RAB28: variants seen among roughly 807,000 people sequenced by gnomAD.
RAB28 encodes the protein ras-related protein Rab-28.
In RAB28, 24 loss-of-function variants were observed where a neutral mutation model predicts 31.7. That is an observed-to-expected ratio of 0.76 (90% CI 0.55 to 1.06). The LOEUF (loss-of-function observed/expected upper bound fraction) is 1.06, where lower values mean the gene tolerates loss of function less well. RAB28 is among the 50% of genes least tolerant of loss of function. The pLI is 0.00. For synonymous variants in RAB28, 100 were observed against 90.4 expected, an observed-to-expected ratio of 1.11 and a Z score of -0.60; for missense variants, 254 against 258.5, an observed-to-expected ratio of 0.98 and a Z score of 0.12.
chr4:13,442,675 G>A (rs191528453), intron 4 of RAB28, among the ~76,000 whole-genome samples: 2 of 152,046 alleles, frequency 1.3e-5, no homozygotes, highest in African/African-American at 4.8e-5. Flanking sequence ...ACCCATAAGA[G>A]AAGACAGGAT....
At chr4:13,430,981 T>C (rs1041328688) in intron 4 of RAB28, among the ~76,000 whole-genome samples, 3 of 152,208 alleles carry the variant, frequency 2.0e-5, no homozygotes, top group South Asian at 2.1e-4. Flanking sequence ...CAGTACACTG[T>C]TGTGGAGTCA....
intron 3 of RAB28, among the ~76,000 whole-genome samples, chr4:13,470,537 T>C (rs369653093): frequency 5.3e-5 from 8 of 152,148 alleles, no homozygotes; most frequent in Admixed American, 2.0e-4. Flanking sequence ...CTACACTTCA[T>C]TGAGTTTATG....
At chr4:13,451,245 C>T (rs1714951949) in intron 4 of RAB28, among the ~76,000 whole-genome samples, 1 of 151,780 alleles carries the variant, frequency 6.6e-6, no homozygotes, top group South Asian at 2.1e-4. Flanking sequence ...GAGATGATAC[C>T]TCATTGTGGT....
intron 5 of RAB28, among the ~76,000 whole-genome samples, chr4:13,378,894 T>C (rs1392233964): frequency 6.6e-6 from 1 of 152,012 alleles, no homozygotes; most frequent in Admixed American, 6.6e-5. Flanking sequence ...AGTTTGAACA[T>C]TTGAAGAGAG....
rs186835338 is a variant in RAB28 at position 13,467,006 on chromosome 4, T to C, written c.262-6178A>G. 2.3e-3 allele frequency among the ~76,000 whole-genome samples: 344 copies of C among 151,474 alleles called. 1 individual carries two copies. The highest frequency in any genetic ancestry group is 4.1e-3 in the Non-Finnish European group (275 of 67,666). On this transcript the variant is annotated intron_variant, in intron 3 of 6. Coordinates refer to ENST00000330852, the MANE Select transcript of RAB28 (RefSeq NM_001017979.3). ...CTCACAGAAGTAGGGAGTAGACTGGTGGTTGCAGAGACTAGGGGTTGGGGG... is the reference window on the plus strand; with the variant it reads ...CTCACAGAAGTAGGGAGTAGACTGGCGGTTGCAGAGACTAGGGGTTGGGGG...
At chr4:13,468,140 T>C (rs1276859857) in intron 3 of RAB28, among the ~76,000 whole-genome samples, 6 of 151,254 alleles carry the variant, frequency 4.0e-5, no homozygotes, top group Admixed American at 1.3e-4. Context: ...CTGCAAGGAG[T>C]TCCAAATCTG....
In RAB28 at chr4:13,420,373, T is replaced by C. The variant is rs140417725; in HGVS notation, c.392-38779A>G. On this transcript the variant is annotated intron_variant, in intron 4 of 6. Coordinates refer to ENST00000330852, the MANE Select transcript of RAB28 (RefSeq NM_001017979.3). The stretch of plus-strand genomic sequence containing the variant: ...ATCCTTCTGAAAATATTCCAATCAA[T>C]AGAAAAAGAAGGAATGCTCCCTAAC... Among the ~76,000 whole-genome samples the C allele has an allele frequency of 2.9e-3, 436 of 152,136 alleles. 2 individuals carry two copies. Among genetic ancestry groups the C allele is most frequent in the African/African-American group, 9.6e-3 (398 of 41,498 alleles).
chr4:13,466,409 C>A lies in RAB28; in HGVS notation c.262-5581G>T, dbSNP rs138958625. 9.8e-3 allele frequency among the ~76,000 whole-genome samples: 1,488 copies of A among 151,974 alleles called. 20 individuals carry two copies. Among genetic ancestry groups the A allele is most frequent in the African/African-American group, 0.034 (1,397 of 41,476 alleles). On this transcript the variant is annotated intron_variant, in intron 3 of 6. Coordinates refer to ENST00000330852, the MANE Select transcript of RAB28 (RefSeq NM_001017979.3). ...AAAATTGGCAAGAGACCCATAAAGA[C>A]ATTACTCAGAAGACAAATGGCTAAC...
intron 4 of RAB28, among the ~76,000 whole-genome samples, chr4:13,442,997 A>G (rs973457010): frequency 6.6e-6 from 1 of 152,240 alleles, no homozygotes; most frequent in Non-Finnish European, 1.5e-5. Flanking sequence ...ATAGTATAAA[A>G]TAAATATCCT....
At chr4:13,416,862 A>T (rs1712814218) in intron 4 of RAB28, among the ~76,000 whole-genome samples, 1 of 152,184 alleles carries the variant, frequency 6.6e-6, no homozygotes, top group Non-Finnish European at 1.5e-5. Flanking sequence ...AAAGAGGTAC[A>T]TGGTTCATCT....
chr4:13,481,468 T>C lies in RAB28; in HGVS notation c.76-1942A>G, dbSNP rs73231537. On this transcript the variant is annotated intron_variant, in intron 1 of 6. Coordinates refer to ENST00000330852, the MANE Select transcript of RAB28 (RefSeq NM_001017979.3). ...TAAATACCCTTCTTAATTACAGGTATTAAGTGAACAACTAGCTCCCATATC... is the reference window on the plus strand; with the variant it reads ...TAAATACCCTTCTTAATTACAGGTACTAAGTGAACAACTAGCTCCCATATC... Among the ~76,000 whole-genome samples the C allele has an allele frequency of 2.8e-3, 419 of 152,194 alleles. 5 individuals are homozygous for C. The highest frequency in any genetic ancestry group is 0.02 in the Middle Eastern group (6 of 294).
At position 13,369,900 on chromosome 4, in the gene RAB28, C is replaced by CT. The variant is rs1259458666; in HGVS notation, c.574-1251dup. On this transcript the variant is annotated intron_variant, in intron 6 of 6. Coordinates refer to ENST00000330852, the MANE Select transcript of RAB28 (RefSeq NM_001017979.3). ...ACTACTGTACTGAACAGATTCTACT[C>CT]TGAGTAGAGGTGGTATGTTGATTTT... 6.2e-7 allele frequency: 1 copy of CT among 1,612,010 alleles called. No homozygotes were observed. Among genetic ancestry groups the CT allele is most frequent in the East Asian group, 2.2e-5 (1 of 44,816 alleles).
At chr4:13,370,147 A>G in intron 6 of RAB28, 1 of 979,846 alleles carries the variant, frequency 1.0e-6, no homozygotes, top group Non-Finnish European at 1.2e-6. Context: ...GAATGTACAC[A>G]TACAAAAGGA....
chr4:13,479,720 G>A (rs1412596200), intron 1 of RAB28, among the ~76,000 whole-genome samples, 194 bp from the exon 2 acceptor site: 1 of 151,452 alleles, frequency 6.6e-6, no homozygotes, highest in East Asian at 1.9e-4. Context: ...AGCAGCTATC[G>A]GTAGGGACAA....
chr4:13,418,337 T>C (rs1712916945), intron 4 of RAB28, among the ~76,000 whole-genome samples: 1 of 152,130 alleles, frequency 6.6e-6, no homozygotes, highest in African/African-American at 2.4e-5. Flanking sequence ...CTTCAGGATA[T>C]TATCCAGGAG....
chr4:13,471,721 A>G (rs373030077), intron 3 of RAB28, among the ~76,000 whole-genome samples: 15 of 152,116 alleles, frequency 9.9e-5, no homozygotes, highest in African/African-American at 3.6e-4. Flanking sequence ...TTGTCAGACA[A>G]TTTCATAGAA....
chr4:13,449,401 C>G (rs957600179), intron 4 of RAB28, among the ~76,000 whole-genome samples: 5 of 151,830 alleles, frequency 3.3e-5, no homozygotes, highest in Non-Finnish European at 7.4e-5. Context: ...AAAAAAGTCT[C>G]TTTTAAAAGC....
chr4:13,482,629 GAA>G (rs1334710608), intron 1 of RAB28, among the ~76,000 whole-genome samples: 2 of 152,078 alleles, frequency 1.3e-5, no homozygotes, highest in African/African-American at 4.8e-5. Context: ...TCATTCATTC[GAA>G]AAGTTTACTA....
chr4:13,432,613 CAA>C (rs944264437), intron 4 of RAB28, among the ~76,000 whole-genome samples: 1 of 151,986 alleles, frequency 6.6e-6, no homozygotes, highest in African/African-American at 2.4e-5. Flanking sequence ...ATCTTTCAAG[CAA>C]AAAGAGACTG....
Sources: allele counts gnomAD v4.1 joint callset (sites outside exome capture counted in the v4.1 genomes callset), GRCh38; gene constraint gnomAD v4.1.1; transcripts MANE v1.5; gene names NCBI Gene and HGNC (gene_info 2026-07-23, HGNC 2026-07-21).